The following IQCE variants were observed in gnomAD, a reference collection of about 807,000 sequenced individuals.
IQCE encodes IQ domain-containing protein E.
Under a neutral mutation model 96.0 loss-of-function variants are expected in IQCE, and 115 were observed. That is an observed-to-expected ratio of 1.20 (90% CI 1.03 to 1.40). The LOEUF is 1.40. Among genes scored for constraint, IQCE ranks in the 40% most tolerant of loss-of-function variants. The pLI is 0.00. For missense variants in IQCE, 1,041 were observed against 909.1 expected, an observed-to-expected ratio of 1.15 and a Z score of -1.87; for synonymous variants, 412 against 371.2, an observed-to-expected ratio of 1.11 and a Z score of -1.26.
At chr7:2,606,867 T>G (rs1490045099) in intron 20 of IQCE, among the ~76,000 whole-genome samples, 1 of 152,130 alleles carries the variant, frequency 6.6e-6, no homozygotes, top group Non-Finnish European at 1.5e-5. Context: ...GGCCAGCTTA[T>G]AAAACCATGC....
In IQCE at chr7:2,610,997, G is replaced by A. The variant is rs114924600; in HGVS notation, c.*835G>A. On this transcript the variant is annotated 3_prime_UTR_variant, in exon 22 of 22. Transcript: ENST00000402050. Reference sequence around the variant, plus strand: ...AAGAGGAGGAGAGGAGGGTGAGGAGGCAGGCTCGCCGTTCCAAGGGACAGC... The same window carrying A: ...AAGAGGAGGAGAGGAGGGTGAGGAGACAGGCTCGCCGTTCCAAGGGACAGC... 0.012 allele frequency: 1,831 copies of A among 152,842 alleles called. 38 individuals carry two copies. The highest frequency in any genetic ancestry group is 0.039 in the African/African-American group (1,616 of 41,562). The allele number at this position is 152,842 out of a possible 1,614,324, so 9.5% of individuals were successfully genotyped here.
At chr7:2,567,694 C>T (rs1446683871) in intron 2 of IQCE, among the ~76,000 whole-genome samples, 3 of 152,208 alleles carry the variant, frequency 2.0e-5, no homozygotes, top group South Asian at 4.1e-4. Flanking sequence ...TTGCTCTTCT[C>T]GTGTATGAGC....
intron 3 of IQCE, 128 bp downstream of exon 3, chr7:2,569,127 CCACTGGGGTCTCCCAGTTCG>C (rs1362584137): frequency 1.2e-6 from 1 of 831,630 alleles, no homozygotes; most frequent in Non-Finnish European, 1.9e-6. Flanking sequence ...GGCCCCATTC[CCACTGGGGTCTCCCAGTTCG>C]CGCTGGAGTC....
chr7:2,579,491 A>T (rs892116213), intron 8 of IQCE, among the ~76,000 whole-genome samples: 2 of 152,190 alleles, frequency 1.3e-5, no homozygotes, highest in South Asian at 4.1e-4. Context: ...TACAAAAAAA[A>T]CTATAAATCT....
Position 2,598,520 on chromosome 7 carries a change from C to T in IQCE, c.1496C>T (p.Pro499Leu), listed in dbSNP as rs762277267. 1.6e-5 allele frequency: 25 copies of T among 1,610,912 alleles called. No homozygotes were observed. Among genetic ancestry groups the T allele is most frequent in the Admixed American group, 3.4e-5 (2 of 59,436 alleles). ...PSSRHCEQDW[P>L]PDSSEEGLPR... is the part of the protein sequence containing the mutation. ...AGCAGGCACTGCGAGCAAGACTGGC[C>T]GCCGGATTCCAGCGAGGAGGGGCTC... is the stretch of plus-strand genomic sequence containing the variant. The change falls in exon 17 of 22, where the codon CCG becomes CTG. Residue 499 changes from proline (P) to leucine (L), a missense_variant. By Grantham distance (98) the Pro-to-Leu change is moderately conservative (BLOSUM62 -3). Coordinates refer to ENST00000402050, the MANE Select transcript of IQCE (RefSeq NM_152558.5).
intron 9 of IQCE, among the ~76,000 whole-genome samples, chr7:2,582,930 C>G (rs545649019): frequency 6.6e-6 from 1 of 152,208 alleles, no homozygotes; most frequent in Admixed American, 6.5e-5. Context: ...CGCCTCAGTC[C>G]TGCGCCGTCC....
At position 2,611,217 on chromosome 7, in the gene IQCE, C is replaced by T. The variant is rs1371130560; in HGVS notation, c.*1055C>T. 2 of 152,534 alleles carry T rather than the reference C, an allele frequency of 1.3e-5. No individual in the cohort carries two copies. Among genetic ancestry groups the T allele is most frequent in the Non-Finnish European group, 2.9e-5 (2 of 68,382 alleles). The allele number at this position is 152,534 out of a possible 1,614,324, so 9.4% of individuals were successfully genotyped here. On this transcript the variant is annotated 3_prime_UTR_variant, in exon 22 of 22. Transcript: ENST00000402050. ...AGTTCCTGGGGGAAGCGCACAGTGTCCAGTGCCCATCTCTTGCTTGTGTGT... is the reference window on the plus strand; with the variant it reads ...AGTTCCTGGGGGAAGCGCACAGTGTTCAGTGCCCATCTCTTGCTTGTGTGT...
At chr7:2,601,521 G>C in intron 18 of IQCE, 57 bp downstream of exon 18, 1 of 1,199,266 alleles carries the variant, frequency 8.3e-7, no homozygotes, top group Non-Finnish European at 1.2e-6. Context: ...TTGAAAAGTA[G>C]GTGAGGGGAT....
intron 18 of IQCE, among the ~76,000 whole-genome samples, chr7:2,603,513 C>CT (rs1308157585): frequency 1.3e-5 from 2 of 152,332 alleles, no homozygotes; most frequent in South Asian, 2.1e-4. Flanking sequence ...GGCCTCGTCT[C>CT]TAAGTAAAGA....
chr7:2,573,123 C>T (rs1434381140), intron 5 of IQCE, among the ~76,000 whole-genome samples: 3 of 151,996 alleles, frequency 2.0e-5, no homozygotes, highest in Non-Finnish European at 2.9e-5. Flanking sequence ...TGAACATGTC[C>T]CTCCTCCTTC....
At position 2,577,416 on chromosome 7, in the gene IQCE, C is replaced by T. The variant is rs1229758970; in HGVS notation, c.466-826C>T. 9.3e-5 allele frequency among the ~76,000 whole-genome samples: 11 copies of T among 117,686 alleles called. 1 individual carries two copies. The highest frequency in any genetic ancestry group is 2.0e-4 in the Non-Finnish European group (11 of 54,580). The allele number at this position is 117,686 out of a possible 152,430, so 77.2% of individuals were successfully genotyped here. Reference sequence around the variant, plus strand: ...GTGTGCATGGCTGTGCGCGCGGGGACGTGTGTGCGGCGTGCACGCATTGGC... The same window carrying T: ...GTGTGCATGGCTGTGCGCGCGGGGATGTGTGTGCGGCGTGCACGCATTGGC... On this transcript the variant is annotated intron_variant, in intron 6 of 21. Transcript: ENST00000402050.
At chr7:2,563,463 G>A (rs1027666582) in intron 1 of IQCE, among the ~76,000 whole-genome samples, 3 of 151,596 alleles carry the variant, frequency 2.0e-5, no homozygotes, top group African/African-American at 7.3e-5. Context: ...TGGGCTTTGA[G>A]TCCCAAAGTG....
At chr7:2,595,515 A>G (rs1010847571) in intron 16 of IQCE, among the ~76,000 whole-genome samples, 16 of 152,226 alleles carry the variant, frequency 1.1e-4, no homozygotes, top group African/African-American at 3.6e-4. Context: ...GGGACCCTAG[A>G]TGGATGCTCT....
At chr7:2,580,435 C>T (rs139216467) in intron 8 of IQCE, among the ~76,000 whole-genome samples, 3,790 of 152,008 alleles carry the variant, frequency 0.025, 163 homozygotes, top group African/African-American at 0.086. Context: ...CATGGTGAAG[C>T]CCCATCTGTA....
chr7:2,578,253 G>C lies in IQCE; in HGVS notation c.477G>C (p.Val159=). ...CTTGTTTTCTTCAGTCATTGCACGT[G>C]CAGAAGAGCGACGTGGACCTGATGA... ...EIIELKKSLH[V]QKSDVDLMRT... is the part of the protein sequence containing the mutation. Residue 159 remains valine (V), a synonymous_variant, in exon 7 of 22, where the codon GTG becomes GTC. Coordinates refer to ENST00000402050, the MANE Select transcript of IQCE (RefSeq NM_152558.5). 6.2e-7 allele frequency: 1 copy of C among 1,612,866 alleles called. No homozygotes were observed. The highest frequency in any genetic ancestry group is 8.5e-7 in the Non-Finnish European group (1 of 1,179,010).
At chr7:2,600,869 G>A (rs983021224) in intron 17 of IQCE, among the ~76,000 whole-genome samples, 2 of 152,150 alleles carry the variant, frequency 1.3e-5, no homozygotes, top group African/African-American at 2.4e-5. Context: ...CACATGCTCC[G>A]AGGGACCCTC....
chr7:2,573,491 A>G lies in IQCE; in HGVS notation c.465+3A>G. 2.0e-6 allele frequency: 3 copies of G among 1,489,262 alleles called. No individual in the cohort carries two copies. Among genetic ancestry groups the G allele is most frequent in the Non-Finnish European group, 2.8e-6 (3 of 1,068,204 alleles). 92.3% of individuals were successfully genotyped at this position (1,489,262 alleles called of 1,614,324 possible). A position where few individuals can be genotyped will look rare whatever the true frequency, so the allele number is the denominator to read the frequency against. ...ACGAGATTATTGAGTTAAAGAAGGT[A>G]GTATTTCGGTTTGTTCTCTATTGAT... On this transcript the variant is annotated splice_donor_region_variant and intron_variant, in intron 6 of 21. Transcript: ENST00000402050.
In IQCE at chr7:2,592,490, G is replaced by A. The variant is rs542048944; in HGVS notation, c.1245-532G>A. 3.3e-5 allele frequency among the ~76,000 whole-genome samples: 5 copies of A among 152,342 alleles called. No homozygotes were observed. The South Asian group carries it at 1.0e-3, about 32-fold the overall frequency. On this transcript the variant is annotated intron_variant, in intron 14 of 21. Coordinates refer to ENST00000402050, the MANE Select transcript of IQCE (RefSeq NM_152558.5). Reference sequence around the variant, plus strand: ...TGGCATTTAATACAGAGACTCACAGGCCCTGAGCAGTCGGGGCTCGCAGAC... The same window carrying A: ...TGGCATTTAATACAGAGACTCACAGACCCTGAGCAGTCGGGGCTCGCAGAC...
intron 19 of IQCE, 109 bp downstream of exon 19, chr7:2,605,100 G>T (rs535755775): frequency 2.7e-6 from 2 of 746,548 alleles, no homozygotes; most frequent in East Asian, 2.7e-5. Flanking sequence ...ATCCCCGCCC[G>T]CCCAGCAGGC....
Sources: allele counts gnomAD v4.1 joint callset (sites outside exome capture counted in the v4.1 genomes callset), GRCh38; gene constraint gnomAD v4.1.1; transcripts MANE v1.5; gene names NCBI Gene and HGNC (gene_info 2026-07-23, HGNC 2026-07-21).